The following IKZF2 variants were observed in gnomAD, a reference collection of about 807,000 sequenced individuals.
The protein encoded by IKZF2 is zinc finger protein Helios.
In IKZF2, 15 loss-of-function variants were observed where a neutral mutation model predicts 49.2. That is an observed-to-expected ratio of 0.30 (90% CI 0.20 to 0.47). IKZF2 has a LOEUF of 0.47. Among genes scored for constraint, IKZF2 ranks in the 20% least tolerant of loss-of-function variants. The pLI, the probability that IKZF2 is intolerant of heterozygous loss-of-function variation, is 1.00. For synonymous variants in IKZF2, 227 were observed against 221.4 expected (o/e 1.03, Z -0.23); for missense variants, 567 against 664.6 (o/e 0.85, Z 1.61).
upstream of IKZF2, chr2:213,152,007 G>GC (rs910677175): frequency 6.6e-6 from 1 of 151,898 alleles, no homozygotes; most frequent in East Asian, 1.9e-4. Context: ...CGGCCGCGTC[G>GC]CCCCCAGCCC....
chr2:213,120,336 TG>T (rs968803323), intron 4 of IKZF2, among the ~76,000 whole-genome samples: 4 of 152,354 alleles, frequency 2.6e-5, no homozygotes, highest in Admixed American at 1.3e-4. Flanking sequence ...GCAGTTACAC[TG>T]GACCTTTGAA....
chr2:213,054,167 C>T (rs1205060494), intron 5 of IKZF2, among the ~76,000 whole-genome samples: 4 of 151,968 alleles, frequency 2.6e-5, no homozygotes, highest in Non-Finnish European at 5.9e-5. Context: ...TCGCTTGAAC[C>T]CAGGAGGTGG....
chr2:213,079,259 G>C (rs1035685326), intron 4 of IKZF2, among the ~76,000 whole-genome samples: 2 of 151,990 alleles, frequency 1.3e-5, no homozygotes, highest in Non-Finnish European at 2.9e-5. Flanking sequence ...CGTGTTTGTA[G>C]TCCCAACTAC....
rs114483653 is a variant in IKZF2, at chr2:213,071,317, G to A, written c.140-14218C>T. Among the ~76,000 whole-genome samples, 870 of 151,832 alleles carry A rather than the reference G, an allele frequency of 5.7e-3. 11 individuals carry two copies. Among genetic ancestry groups the A allele is most frequent in the African/African-American group, 0.02 (839 of 41,404 alleles). ...AAATATACAACATTTAAAAACACAA[G>A]CTCATTTACTAAGTAATAGGCAAAC... On this transcript the variant is annotated intron_variant, in intron 4 of 8. Coordinates refer to ENST00000434687, the MANE Select transcript of IKZF2 (RefSeq NM_001387220.1).
At position 213,030,270 on chromosome 2, in the gene IKZF2, T is replaced by C. The variant is rs1381948667; in HGVS notation, c.575-8140A>G. On this transcript the variant is annotated intron_variant, in intron 6 of 8. Coordinates refer to ENST00000434687, the MANE Select transcript of IKZF2 (RefSeq NM_001387220.1). ...TTAGAAATATCCACACCTACTTTTT[T>C]TTTCTAAATCTTTAGAAGTCTTAAT... Among the ~76,000 whole-genome samples, 5 of 152,268 alleles carry C rather than the reference T, an allele frequency of 3.3e-5. No homozygotes were observed. In the East Asian group the frequency reaches 9.6e-4, roughly 29 times the overall value.
intron 3 of IKZF2, 76 bp from the exon 4 acceptor site, chr2:213,147,888 A>G: frequency 9.8e-7 from 1 of 1,021,944 alleles, no homozygotes; most frequent in South Asian, 1.4e-5. Context: ...TGCTTTATAC[A>G]CGCAATGGCA....
In IKZF2 at chr2:213,003,182, C is replaced by G. The variant is rs1337514537; in HGVS notation, c.*4178G>C. ...AGCTGCAACAGCTAACCAACACTCT[C>G]AATGCATTTTAAAAAGGCACCAATA... On this transcript the variant is annotated 3_prime_UTR_variant, in exon 9 of 9. Coordinates refer to ENST00000434687, the MANE Select transcript of IKZF2 (RefSeq NM_001387220.1). 1 of 151,992 alleles carries G rather than the reference C, an allele frequency of 6.6e-6. No individual in the cohort carries two copies. Among genetic ancestry groups the G allele is most frequent in the African/African-American group, 2.4e-5 (1 of 41,380 alleles). The allele number at this position is 151,992 out of a possible 1,614,324, so 9.4% of individuals were successfully genotyped here. A position where few individuals can be genotyped will look rare whatever the true frequency, so the allele number is the denominator to read the frequency against.
At chr2:213,054,814 T>C (rs947569729) in intron 5 of IKZF2, among the ~76,000 whole-genome samples, 1 of 152,198 alleles carries the variant, frequency 6.6e-6, no homozygotes, top group East Asian at 1.9e-4. Flanking sequence ...TGGAAATCTG[T>C]ATAACTGTTT....
chr2:213,064,501 G>A (rs551119122), intron 4 of IKZF2, among the ~76,000 whole-genome samples: 4 of 152,066 alleles, frequency 2.6e-5, no homozygotes, highest in Non-Finnish European at 5.9e-5. Flanking sequence ...TGTATAGCGT[G>A]CACATCATCA....
intron 4 of IKZF2, among the ~76,000 whole-genome samples, chr2:213,111,826 T>C (rs2059713590): frequency 6.6e-6 from 1 of 152,218 alleles, no homozygotes; most frequent in Non-Finnish European, 1.5e-5. Flanking sequence ...CATATGATTG[T>C]TCTCTTTAGT....
intron 4 of IKZF2, among the ~76,000 whole-genome samples, chr2:213,100,390 T>G (rs1169508247): frequency 6.6e-6 from 1 of 151,998 alleles, no homozygotes. Context: ...ATTGACTATT[T>G]TATAATAAAA....
chr2:213,128,871 C>T (rs1246375776), intron 4 of IKZF2, among the ~76,000 whole-genome samples: 1 of 135,740 alleles, frequency 7.4e-6, no homozygotes, highest in African/African-American at 2.7e-5. Flanking sequence ...AGGCTGGTCT[C>T]GAACTTCTGA....
intron 4 of IKZF2, among the ~76,000 whole-genome samples, chr2:213,112,787 G>A (rs1030466628): frequency 5.3e-5 from 8 of 152,122 alleles, no homozygotes; most frequent in African/African-American, 1.7e-4. Context: ...GGCAACCAAG[G>A]TTTGAATCAC....
chr2:213,077,579 A>C (rs1574748177), intron 4 of IKZF2, among the ~76,000 whole-genome samples: 1 of 97,716 alleles, frequency 1.0e-5, no homozygotes. Flanking sequence ...TATTCTATGT[A>C]CTTTTTTTTT....
intron 4 of IKZF2, among the ~76,000 whole-genome samples, chr2:213,070,526 T>C (rs572837596): frequency 4.6e-5 from 7 of 152,210 alleles, no homozygotes; most frequent in South Asian, 4.1e-4. Flanking sequence ...CATCATCACT[T>C]TCCCATAATA....
intron 7 of IKZF2, among the ~76,000 whole-genome samples, chr2:213,019,652 T>C (rs1191877839): frequency 3.9e-5 from 6 of 152,332 alleles, no homozygotes; most frequent in African/African-American, 1.2e-4. Flanking sequence ...TTTGTTTCTA[T>C]AAATGGTATC....
intron 5 of IKZF2, among the ~76,000 whole-genome samples, chr2:213,051,054 A>G (rs1700631190): frequency 6.6e-6 from 1 of 152,068 alleles, no homozygotes; most frequent in African/African-American, 2.4e-5. Context: ...AAAAGCTTAC[A>G]TTGAAATGTC....
chr2:213,030,325 A>T (rs1484186686), intron 6 of IKZF2, among the ~76,000 whole-genome samples: 1 of 152,012 alleles, frequency 6.6e-6, no homozygotes, highest in Non-Finnish European at 1.5e-5. Context: ...TAATGAAATG[A>T]TTAAGTGGGA....
At chr2:213,124,580 G>A (rs546568728) in intron 4 of IKZF2, among the ~76,000 whole-genome samples, 1 of 152,298 alleles carries the variant, frequency 6.6e-6, no homozygotes, top group African/African-American at 2.4e-5. Context: ...AATTTTTCAC[G>A]TACAAGTGGA....
Sources: gnomAD v4.1 joint callset for allele counts (sites outside exome capture counted in the v4.1 genomes callset) on GRCh38, gnomAD v4.1.1 for gene constraint, MANE v1.5 for transcripts, NCBI Gene and HGNC (gene_info 2026-07-23, HGNC 2026-07-21) for gene names.